The following TTC3 variants were observed in gnomAD, a reference collection of about 807,000 sequenced individuals.
TTC3 encodes tetratricopeptide repeat domain 3, also known as E3 ubiquitin-protein ligase TTC3.
TTC3 carries 180 observed loss-of-function variants against 249.6 expected under a neutral mutation model. The observed-to-expected ratio is 0.72, with a 90% CI of 0.64 to 0.82. The LOEUF is 0.82. TTC3 is among the 40% of genes least tolerant of loss of function. TTC3 has a pLI of 0.00. For synonymous variants in TTC3, 717 were observed against 805.0 expected, an observed-to-expected ratio of 0.89 and a Z score of 1.85; for missense variants, 2,061 against 2,398.4, an observed-to-expected ratio of 0.86 and a Z score of 2.94.
intron 16 of TTC3, 22 bp downstream of exon 16, chr21:37,129,085 T>A (rs1265456674): frequency 6.5e-7 from 1 of 1,548,566 alleles, no homozygotes; most frequent in African/African-American, 1.4e-5. Flanking sequence ...CTCTAAGGTA[T>A]GTTTTTTTCC....
chr21:37,079,588 G>A (rs1281775993), intron 1 of TTC3, among the ~76,000 whole-genome samples: 1 of 135,068 alleles, frequency 7.4e-6, no homozygotes, highest in East Asian at 2.4e-4. Flanking sequence ...GGCTGGAGTA[G>A]TGCAGTGGTG....
exon 38 of TTC3, chr21:37,187,142 A>G (rs747063758): frequency 8.2e-6 from 13 of 1,578,318 alleles, no homozygotes; most frequent in Non-Finnish European, 1.1e-5. Context: ...CTGTGGCTGC[A>G]GAGGTGAGTC....
At chr21:37,123,102 T>G in intron 13 of TTC3, 74 bp downstream of exon 13, 1 of 1,514,820 alleles carries the variant, frequency 6.6e-7, no homozygotes, top group Non-Finnish European at 9.2e-7. Flanking sequence ...ATCACTTATG[T>G]TTGACGCTTT....
At chr21:37,137,191 A>G (rs947358102) in intron 18 of TTC3, among the ~76,000 whole-genome samples, 1 of 152,240 alleles carries the variant, frequency 6.6e-6, no homozygotes, top group Non-Finnish European at 1.5e-5. Flanking sequence ...TCCATTCTGT[A>G]GCCTATGGAT....
At chr21:37,173,302 T>C (rs749735748) in intron 35 of TTC3, among the ~76,000 whole-genome samples, 1 of 152,236 alleles carries the variant, frequency 6.6e-6, no homozygotes, top group Non-Finnish European at 1.5e-5. Context: ...TGTCTGCTAC[T>C]GTTATGATCA....
chr21:37,155,198 CAA>C (rs1569082204), intron 27 of TTC3, among the ~76,000 whole-genome samples: 15 of 152,292 alleles, frequency 9.8e-5, no homozygotes, highest in Admixed American at 9.1e-4. Context: ...GAATTTTCTT[CAA>C]TAAAACGACT....
At chr21:37,122,592 AGTCTTTC>A (rs1482848033) in intron 12 of TTC3, among the ~76,000 whole-genome samples, 2 of 151,658 alleles carry the variant, frequency 1.3e-5, no homozygotes, top group African/African-American at 4.9e-5. Context: ...TTAGTGTATG[AGTCTTTC>A]CTGCTTTTTC....
intron 4 of TTC3, 130 bp from the exon 5 acceptor site, chr21:37,088,669 T>C (rs2072846104): frequency 2.4e-6 from 2 of 826,844 alleles, no homozygotes; most frequent in Non-Finnish European, 3.7e-6. Context: ...AATAGCTTAG[T>C]TATTGTTACC....
chr21:37,074,778 C>A (rs1451203676), intron 1 of TTC3, among the ~76,000 whole-genome samples: 1 of 152,222 alleles, frequency 6.6e-6, no homozygotes, highest in African/African-American at 2.4e-5. Flanking sequence ...CTCAAGGTTT[C>A]GTGCTCTGCG....
chr21:37,191,385 G>C (rs61748840), exon 40 of TTC3: 41,103 of 1,587,692 alleles, frequency 0.026, 791 homozygotes, highest in South Asian at 0.06. Context: ...CATGGGAATT[G>C]TTTCTTTCTA....
intron 9 of TTC3, among the ~76,000 whole-genome samples, chr21:37,096,377 A>C (rs1471019237): frequency 6.6e-6 from 1 of 152,238 alleles, no homozygotes; most frequent in Non-Finnish European, 1.5e-5. Flanking sequence ...AGGGAAGTTT[A>C]GGTTGGTTCA....
Position 37,156,846 on chromosome 21 carries a change from G to C in TTC3, c.2932G>C (p.Glu978Gln), listed in dbSNP as rs528347404. Residue 978 changes from glutamate (E) to glutamine (Q), a missense_variant, in exon 28 of 46, where the codon GAA (glutamate) becomes CAA (glutamine). By Grantham distance (29) the Glu-to-Gln change is conservative. This residue lies in a region of TTC3 where 32 missense variants were observed against 67.3 expected (regional missense o/e 0.48). Coordinates refer to ENST00000355666, the Ensembl canonical transcript of TTC3. ...CCGTTGTTTAATATGGCTGCTAGAAGAACACAGAGACAAGTTCCCAGCATT... is the reference window on the plus strand; with the variant it reads ...CCGTTGTTTAATATGGCTGCTAGAACAACACAGAGACAAGTTCCCAGCATT... The C allele has an allele frequency of 3.3e-5, 54 of 1,614,042 alleles. No homozygotes were observed. In the South Asian group the frequency reaches 5.9e-4, roughly 18 times the overall value.
chr21:37,176,324 C>G (rs1323178530), intron 35 of TTC3, among the ~76,000 whole-genome samples: 2 of 152,180 alleles, frequency 1.3e-5, no homozygotes, highest in Admixed American at 6.5e-5. Flanking sequence ...TTCCAGAAAA[C>G]TTTTATCACC....
rs528938831 is a variant in TTC3 at position 37,116,472 on chromosome 21, G to A, written c.901-5345G>A. 4.3e-4 allele frequency among the ~76,000 whole-genome samples: 66 copies of A among 152,144 alleles called. 2 individuals are homozygous for A. The South Asian group carries it at 0.014, about 32-fold the overall frequency. On this transcript the variant is annotated intron_variant, in intron 11 of 45. Coordinates refer to ENST00000355666, the Ensembl canonical transcript of TTC3. ...GTTAATTCTGGGTATCTGTGTATTA[G>A]TCTCTGTATTTTCCTAAATTATAAA...
rs138153763 is a variant in TTC3 at position 37,195,992 on chromosome 21, T to C, written c.5535T>C (p.Asn1845=). ...GCCAGTCTCCAAAAAAGCCGTTCAATAGTATTATTGAGCACCTGTCAGTGG... is the reference window on the plus strand; with the variant it reads ...GCCAGTCTCCAAAAAAGCCGTTCAACAGTATTATTGAGCACCTGTCAGTGG... The change falls in exon 42 of 46, where the codon AAT becomes AAC. Residue 1845 remains asparagine, a synonymous_variant. Transcript: ENST00000355666. 80 of 1,614,202 alleles carry C rather than the reference T, an allele frequency of 5.0e-5. No individual in the cohort carries two copies. In the African/African-American group the frequency reaches 8.4e-4, roughly 17 times the overall value.
At chr21:37,196,177 TC>T in intron 42 of TTC3, 141 bp downstream of exon 42, 2 of 1,095,204 alleles carry the variant, frequency 1.8e-6, no homozygotes, top group Non-Finnish European at 2.5e-6. Flanking sequence ...TTGCTACATT[TC>T]TTTCTTTTTG....
intron 41 of TTC3, 146 bp downstream of exon 41, chr21:37,192,359 AC>A: frequency 1.7e-6 from 1 of 573,812 alleles, no homozygotes; most frequent in East Asian, 3.0e-5. Context: ...CTACTGATTA[AC>A]CTTTTAAGCT....
chr21:37,144,656 A>G lies in TTC3; in HGVS notation c.1893+11A>G, dbSNP rs754012862. Reference sequence around the variant, plus strand: ...CCACAAAAAATAAAGGTAACCATTTATTTTTGCAGAGTGTTTCTTACTGTG... The same window carrying G: ...CCACAAAAAATAAAGGTAACCATTTGTTTTTGCAGAGTGTTTCTTACTGTG... On this transcript the variant is annotated intron_variant, in intron 21 of 45. Coordinates refer to ENST00000355666, the Ensembl canonical transcript of TTC3. 17 of 1,602,424 alleles carry G rather than the reference A, an allele frequency of 1.1e-5. No homozygotes were observed. Among genetic ancestry groups the G allele is most frequent in the Non-Finnish European group, 1.4e-5 (17 of 1,175,766 alleles).
intron 20 of TTC3, among the ~76,000 whole-genome samples, chr21:37,141,791 C>CACA (rs2078489800): frequency 2.6e-5 from 4 of 151,928 alleles, no homozygotes; most frequent in Admixed American, 2.6e-4. Flanking sequence ...AACACAGAGA[C>CACA]ACAACAAAAA....
Sources: allele counts gnomAD v4.1 joint callset (sites outside exome capture counted in the v4.1 genomes callset), GRCh38; gene constraint gnomAD v4.1.1; regional missense constraint gnomAD v4.1.1; transcripts MANE v1.5; gene names NCBI Gene and HGNC (gene_info 2026-07-23, HGNC 2026-07-21).